Variants in ERLEC1 observed in about 807,000 individuals in gnomAD.
The protein encoded by ERLEC1 is ER lectin.
A neutral mutation model predicts 68.0 loss-of-function variants in ERLEC1; 47 were observed. That is an observed-to-expected ratio of 0.69 (90% confidence interval 0.55 to 0.88). ERLEC1 has a LOEUF of 0.88. ERLEC1 is among the 40% of genes least tolerant of loss of function. The pLI is 0.00. For missense variants in ERLEC1, 567 were observed against 583.8 expected, an observed-to-expected ratio of 0.97 and a Z score of 0.30; for synonymous variants, 225 against 203.2, an observed-to-expected ratio of 1.11 and a Z score of -0.91.
At chr2:53,799,535 A>AT (rs1292329299) in intron 6 of ERLEC1, among the ~76,000 whole-genome samples, 6 of 152,178 alleles carry the variant, frequency 3.9e-5, no homozygotes, top group African/African-American at 1.4e-4. Flanking sequence ...TGTCAGACAT[A>AT]TTATAGGCAC....
chr2:53,796,893 T>C (rs1675738503), intron 3 of ERLEC1, among the ~76,000 whole-genome samples: 1 of 142,586 alleles, frequency 7.0e-6, no homozygotes, highest in Non-Finnish European at 1.5e-5. Flanking sequence ...CTTTTTCTTT[T>C]TTTTTTTTTT....
At chr2:53,797,057 A>C (rs1254263049) in intron 3 of ERLEC1, among the ~76,000 whole-genome samples, 3 of 151,720 alleles carry the variant, frequency 2.0e-5, no homozygotes, top group African/African-American at 7.3e-5. Context: ...ACATCCCGCT[A>C]ATTTTTTTGT....
intron 8 of ERLEC1, among the ~76,000 whole-genome samples, chr2:53,805,517 C>T (rs931581828): frequency 2.6e-5 from 4 of 152,118 alleles, no homozygotes; most frequent in African/African-American, 9.7e-5. Flanking sequence ...TGCAGCTGGA[C>T]GACCCTACAT....
Position 53,787,184 on chromosome 2 carries a change from G to T in ERLEC1, c.-27G>T, listed in dbSNP as rs761514285. On this transcript the variant is annotated 5_prime_UTR_variant, in exon 1 of 14. Transcript: ENST00000185150. Reference sequence around the variant, plus strand: ...CTCCTGGAGCAGAGGAGGTTGTGGCGGTGGCTGGAGAAAGCGGCGGCGGAG... The same window carrying T: ...CTCCTGGAGCAGAGGAGGTTGTGGCTGTGGCTGGAGAAAGCGGCGGCGGAG... 2 of 1,579,370 alleles carry T rather than the reference G, an allele frequency of 1.3e-6. No individual in the cohort carries two copies. The highest frequency in any genetic ancestry group is 1.7e-6 in the Non-Finnish European group (2 of 1,164,540).
At chr2:53,799,637 T>C (rs936890304) in intron 6 of ERLEC1, among the ~76,000 whole-genome samples, 2 of 152,154 alleles carry the variant, frequency 1.3e-5, no homozygotes, top group Non-Finnish European at 2.9e-5. Flanking sequence ...TAATCACAAT[T>C]TTTAAATCCC....
In ERLEC1 at chr2:53,814,553, C is replaced by G. The variant is rs1373789245; in HGVS notation, c.1237C>G (p.His413Asp). ...DGTQTVRMVSHFYGNGDICDI... is the reference protein window; with the variant it reads ...DGTQTVRMVSDFYGNGDICDI... ...GTTTCTCTGATTCAGGATGGTGTCA[C>G]ATTTTTATGGAAATGGAGATATTTG... The change falls in exon 12 of 14, where the codon CAT (histidine) becomes GAT (aspartate). Residue 413 changes from histidine (H) to aspartate (D), a missense_variant. By Grantham distance (81) the His-to-Asp change is moderately conservative. Coordinates refer to ENST00000185150, the MANE Select transcript of ERLEC1 (RefSeq NM_015701.5). 2 of 1,610,120 alleles carry G rather than the reference C, an allele frequency of 1.2e-6. No individual in the cohort carries two copies. Among genetic ancestry groups the G allele is most frequent in the Non-Finnish European group, 1.7e-6 (2 of 1,177,642 alleles).
At position 53,818,775 on chromosome 2, in the gene ERLEC1, G is replaced by A. The variant is rs1399998607; in HGVS notation, c.*806G>A. 1 of 152,142 alleles carries A rather than the reference G, an allele frequency of 6.6e-6. No homozygotes were observed. The highest frequency in any genetic ancestry group is 1.5e-5 in the Non-Finnish European group (1 of 68,028). The allele number at this position is 152,142 out of a possible 1,614,324, so 9.4% of individuals were successfully genotyped here. On this transcript the variant is annotated 3_prime_UTR_variant, in exon 14 of 14. Transcript: ENST00000185150. ...TTTACAGCACAATATTTATTTTAAA[G>A]TGAATAAAATGTCCACAAGCAGTGT...
chr2:53,794,000 A>G (rs938812246), intron 1 of ERLEC1, among the ~76,000 whole-genome samples: 2 of 152,186 alleles, frequency 1.3e-5, no homozygotes, highest in African/African-American at 4.8e-5. Context: ...ACACACTCAA[A>G]GACGAGAACA....
intron 1 of ERLEC1, among the ~76,000 whole-genome samples, chr2:53,792,345 C>G (rs1044173217): frequency 6.6e-6 from 1 of 151,874 alleles, no homozygotes; most frequent in African/African-American, 2.4e-5. Context: ...GTATCCTTGG[C>G]CATAATTCAA....
In ERLEC1 at chr2:53,801,488, C is replaced by T. The variant is rs573085167; in HGVS notation, c.617C>T (p.Pro206Leu). 1 of 1,613,872 alleles carries T rather than the reference C, an allele frequency of 6.2e-7. No individual in the cohort carries two copies. The highest frequency in any genetic ancestry group is 1.3e-5 in the African/African-American group (1 of 74,972). Residue 206 changes from proline (P) to leucine (L), a missense_variant, in exon 7 of 14, where the codon CCC (proline) becomes CTC (leucine). Coordinates refer to ENST00000185150, the MANE Select transcript of ERLEC1 (RefSeq NM_015701.5). ...GTPCSLKQNR[P>L]RSSTVMYICH... ...CCTTGTAGTTTGAAACAGAACCGGC[C>T]CAGATCAAGTACTGTGATGTACATA...
chr2:53,793,364 A>G (rs1178812318), intron 1 of ERLEC1, among the ~76,000 whole-genome samples: 1 of 152,258 alleles, frequency 6.6e-6, no homozygotes, highest in Non-Finnish European at 1.5e-5. Context: ...ATATGCCAGA[A>G]GTCAGCAAAC....
At chr2:53,812,037 C>T (rs1676617222) in intron 10 of ERLEC1, among the ~76,000 whole-genome samples, 1 of 152,178 alleles carries the variant, frequency 6.6e-6, no homozygotes, top group South Asian at 2.1e-4. Flanking sequence ...CCTGCCTCAG[C>T]CTCCCAAGTA....
chr2:53,797,331 G>C (rs1274072594), intron 3 of ERLEC1, among the ~76,000 whole-genome samples, 184 bp from the exon 4 acceptor site: 2 of 152,142 alleles, frequency 1.3e-5, no homozygotes, highest in Non-Finnish European at 2.9e-5. Context: ...TTCTCACATA[G>C]AGCTAGTGAA....
rs1675755874 is a variant in ERLEC1 at position 53,797,141 on chromosome 2, C to T, written c.349-374C>T. ...AACTCCTGGTCTCAAGTGATCTGCC[C>T]ACCTTGGCCTCCCAAAGTGCTGGGA... On this transcript the variant is annotated intron_variant, in intron 3 of 13. Coordinates refer to ENST00000185150, the MANE Select transcript of ERLEC1 (RefSeq NM_015701.5). Among the ~76,000 whole-genome samples the T allele has an allele frequency of 2.0e-5, 3 of 152,156 alleles. No individual in the cohort carries two copies. In the South Asian group the frequency reaches 6.2e-4, roughly 31 times the overall value.
intron 8 of ERLEC1, among the ~76,000 whole-genome samples, chr2:53,806,154 T>A (rs1676285869): frequency 6.6e-6 from 1 of 152,192 alleles, no homozygotes; most frequent in South Asian, 2.1e-4. Context: ...CTATCAGAGT[T>A]TTGGTTTGAT....
chr2:53,805,037 C>G lies in ERLEC1; in HGVS notation c.879+3195C>G, dbSNP rs573923496. Among the ~76,000 whole-genome samples, 661 of 144,938 alleles carry G rather than the reference C, an allele frequency of 4.6e-3. 6 individuals carry two copies. Among genetic ancestry groups the G allele is most frequent in the African/African-American group, 0.016 (618 of 38,628 alleles). ...TGAGATGGAGTCTCACTCTGTTGCC[C>G]AGGCTGGAGTGCAGTGGTGCAATCT... On this transcript the variant is annotated intron_variant, in intron 8 of 13. Coordinates refer to ENST00000185150, the MANE Select transcript of ERLEC1 (RefSeq NM_015701.5).
At position 53,809,276 on chromosome 2, in the gene ERLEC1, A is replaced by G. The variant is rs370728581; in HGVS notation, c.1101+3A>G. 93 of 1,542,080 alleles carry G rather than the reference A, an allele frequency of 6.0e-5. No homozygotes were observed. The highest frequency in any genetic ancestry group is 7.4e-5 in the Non-Finnish European group (85 of 1,152,710). On this transcript the variant is annotated splice_donor_region_variant and intron_variant, in intron 10 of 13. Coordinates refer to ENST00000185150, the MANE Select transcript of ERLEC1 (RefSeq NM_015701.5). Reference sequence around the variant, plus strand: ...AACATGTACATCAATACCATGAGGTATAGAATAGCATTTATATATCATTCT... The same window carrying G: ...AACATGTACATCAATACCATGAGGTGTAGAATAGCATTTATATATCATTCT...
Position 53,795,946 on chromosome 2 carries a change from A to T in ERLEC1, c.281A>T (p.Asp94Val). The T allele has an allele frequency of 2.5e-6, 4 of 1,597,614 alleles. No homozygotes were observed. The highest frequency in any genetic ancestry group is 3.4e-6 in the Non-Finnish European group (4 of 1,174,124). Residue 94 changes from aspartate (D) to valine (V), a missense_variant, in exon 3 of 14, where the codon GAT (aspartate) becomes GTT (valine). Coordinates refer to ENST00000185150, the MANE Select transcript of ERLEC1 (RefSeq NM_015701.5). The part of the protein sequence containing the change: ...VTSGDEEEEK[D>V]YKGPNPRELL... Reference sequence around the variant, plus strand: ...ATTCTTTCTTAGGAAGAAGAAAAGGATTATAAAGGCCCTAATCCAAGAGAG... The same window carrying T: ...ATTCTTTCTTAGGAAGAAGAAAAGGTTTATAAAGGCCCTAATCCAAGAGAG...
intron 1 of ERLEC1, among the ~76,000 whole-genome samples, chr2:53,791,048 C>T (rs1675366576): frequency 6.6e-6 from 1 of 152,210 alleles, no homozygotes; most frequent in Non-Finnish European, 1.5e-5. Context: ...TGACCAACTC[C>T]ATGGTTTATA....
Sources: allele counts gnomAD v4.1 joint callset (sites outside exome capture counted in the v4.1 genomes callset), GRCh38; gene constraint gnomAD v4.1.1; transcripts MANE v1.5; gene names NCBI Gene and HGNC (gene_info 2026-07-23, HGNC 2026-07-21).